DSTN: variants seen among roughly 807,000 people sequenced by gnomAD.
The protein encoded by DSTN is destrin.
Under a neutral mutation model 16.8 loss-of-function variants are expected in DSTN, and 10 were observed. The observed-to-expected ratio is 0.60, with a 90% CI of 0.37 to 1.01. The LOEUF (loss-of-function observed/expected upper bound fraction) is 1.01, where lower values mean the gene tolerates loss of function less well. Among genes scored for constraint, DSTN ranks in the 50% least tolerant of loss-of-function variants. The pLI, the probability that DSTN is intolerant of heterozygous loss-of-function variation, is 0.01. For missense variants in DSTN, 141 were observed against 196.7 expected, an observed-to-expected ratio of 0.72 and a Z score of 1.69; for synonymous variants, 57 against 58.9, an observed-to-expected ratio of 0.97 and a Z score of 0.14.
rs566047826 is a variant in DSTN, at chr20:17,592,063, G to T, written c.4-8675G>T. 38 of 985,324 alleles carry T rather than the reference G, an allele frequency of 3.9e-5. No individual in the cohort carries two copies. In the African/African-American group the frequency reaches 6.6e-4, roughly 17 times the overall value. The allele number at this position is 985,324 out of a possible 1,614,324, so 61.0% of individuals were successfully genotyped here. A position where few individuals can be genotyped will look rare whatever the true frequency, so the allele number is the denominator to read the frequency against. ...TGGGCAGTGTTGGGCCAGGCTTTAG[G>T]GTTAGTATTCCGTGCTTTCTGTCTG... On this transcript the variant is annotated intron_variant, in intron 1 of 3. Coordinates refer to ENST00000246069, the MANE Select transcript of DSTN (RefSeq NM_006870.4).
chr20:17,575,294 G>GA (rs1033338152), intron 1 of DSTN, among the ~76,000 whole-genome samples: 3 of 151,482 alleles, frequency 2.0e-5, no homozygotes, highest in African/African-American at 7.3e-5. Flanking sequence ...TTTGAAATTT[G>GA]AAAAAAAACT....
intron 1 of DSTN, among the ~76,000 whole-genome samples, chr20:17,573,722 T>C (rs2035234580): frequency 6.6e-6 from 1 of 152,146 alleles, no homozygotes; most frequent in African/African-American, 2.4e-5. Context: ...TGTGAAATGG[T>C]TTCTCATTAT....
At chr20:17,595,981 T>A (rs931400395) in intron 1 of DSTN, among the ~76,000 whole-genome samples, 4 of 152,182 alleles carry the variant, frequency 2.6e-5, no homozygotes, top group Admixed American at 6.5e-5. Context: ...CTTTACCTCT[T>A]CAATTCCCCA....
Position 17,600,806 on chromosome 20 carries a change from C to T in DSTN, c.72C>T (p.Ser24=), listed in dbSNP as rs760598804. 1.9e-4 allele frequency: 305 copies of T among 1,613,644 alleles called. 6 individuals are homozygous for T. The South Asian group carries it at 3.3e-3, about 17-fold the overall frequency. Residue 24 remains serine (S), a synonymous_variant, in exon 2 of 4, where the codon TCC becomes TCT. Transcript: ENST00000246069. ...IFYDMKVRKC[S]TPEEIKKRKK... ...ATGACATGAAAGTTCGTAAATGCTC[C>T]ACACCAGAAGAAATCAAGAAAAGAA... is the stretch of plus-strand genomic sequence containing the variant.
chr20:17,584,068 G>A (rs139214227), intron 1 of DSTN, among the ~76,000 whole-genome samples: 95 of 152,164 alleles, frequency 6.2e-4, no homozygotes, highest in African/African-American at 2.2e-3. Flanking sequence ...GTTCAAAATG[G>A]TCTAAGATTA....
At chr20:17,604,746 G>A (rs2035623244) in intron 3 of DSTN, 115 bp downstream of exon 3, 2 of 900,276 alleles carry the variant, frequency 2.2e-6, no homozygotes, top group South Asian at 3.5e-5. Context: ...CAAGGGAGAA[G>A]TGTTACTTGT....
intron 1 of DSTN, chr20:17,596,871 T>C: frequency 1.0e-5 from 9 of 887,896 alleles, no homozygotes; most frequent in Non-Finnish European, 1.2e-5. Context: ...TGATTACTAG[T>C]ACATCATTGA....
At chr20:17,595,242 T>G (rs2035513880) in intron 1 of DSTN, among the ~76,000 whole-genome samples, 2 of 152,164 alleles carry the variant, frequency 1.3e-5, no homozygotes. Flanking sequence ...CTCCCCGTCA[T>G]AGCTGTTCTG....
chr20:17,583,231 A>G (rs1366459915), intron 1 of DSTN, among the ~76,000 whole-genome samples: 1 of 152,364 alleles, frequency 6.6e-6, no homozygotes, highest in South Asian at 2.1e-4. Flanking sequence ...GCACCCATAC[A>G]TTGCTGGTGA....
intron 2 of DSTN, among the ~76,000 whole-genome samples, chr20:17,602,864 A>AGAG (rs1465792829): frequency 2.0e-5 from 3 of 152,092 alleles, no homozygotes; most frequent in Non-Finnish European, 4.4e-5. Flanking sequence ...CCCCATCTCT[A>AGAG]CTAAAATTAA....
intron 1 of DSTN, among the ~76,000 whole-genome samples, chr20:17,600,435 T>C (rs908935013): frequency 2.0e-5 from 3 of 152,282 alleles, no homozygotes; most frequent in South Asian, 4.1e-4. Flanking sequence ...GCAACCTGTA[T>C]AAGAAGAAAA....
At chr20:17,591,883 C>G in intron 1 of DSTN, 1 of 985,100 alleles carries the variant, frequency 1.0e-6, no homozygotes. Flanking sequence ...TAATAAATTG[C>G]AGTTACTTTA....
At chr20:17,592,155 G>GCCACCATGCC in intron 1 of DSTN, 5 of 944,120 alleles carry the variant, frequency 5.3e-6, no homozygotes, top group Non-Finnish European at 6.3e-6. Flanking sequence ...GCCAGGCATG[G>GCCACCATGCC]TGGCTCATGC....
At position 17,574,865 on chromosome 20, in the gene DSTN, C is replaced by CTTTTCTTTTTTTTTTT. The variant is rs1354147534; in HGVS notation, c.3+4658_3+4659insCTTTTTTTTTTTTTTT. The stretch of plus-strand genomic sequence containing the variant: ...CTTTCTTTTCTTTTTCTTTTCTTTT[C>CTTTTCTTTTTTTTTTT]TTTTGTTTTTTTTTTTTTTTTTTTT... On this transcript the variant is annotated intron_variant, in intron 1 of 3. Transcript: ENST00000246069. Among the ~76,000 whole-genome samples the CTTTTCTTTTTTTTTTT allele has an allele frequency of 3.6e-4, 23 of 64,254 alleles. 2 individuals are homozygous for CTTTTCTTTTTTTTTTT. Among genetic ancestry groups the CTTTTCTTTTTTTTTTT allele is most frequent in the African/African-American group, 1.3e-3 (22 of 16,716 alleles). The allele number at this position is 64,254 out of a possible 152,430, so 42.2% of individuals were successfully genotyped here. A position where few individuals can be genotyped will look rare whatever the true frequency, so the allele number is the denominator to read the frequency against.
intron 1 of DSTN, among the ~76,000 whole-genome samples, chr20:17,579,909 A>G (rs1568731157): frequency 1.3e-5 from 2 of 152,314 alleles, no homozygotes; most frequent in African/African-American, 2.4e-5. Context: ...AGCATTAATC[A>G]TATATAGGAT....
chr20:17,572,072 A>G (rs1440259107), intron 1 of DSTN, among the ~76,000 whole-genome samples: 2 of 152,342 alleles, frequency 1.3e-5, no homozygotes, highest in East Asian at 1.9e-4. Flanking sequence ...CCCAGAGTCT[A>G]GCACTTTGCT....
chr20:17,583,011 A>T (rs1251461246), intron 1 of DSTN, among the ~76,000 whole-genome samples: 1 of 152,234 alleles, frequency 6.6e-6, no homozygotes, highest in Non-Finnish European at 1.5e-5. Context: ...ACAACTCAAC[A>T]ATCAAAAACC....
intron 1 of DSTN, chr20:17,576,399 A>C (rs2035278896): frequency 1.2e-5 from 2 of 160,906 alleles, no homozygotes; most frequent in Admixed American, 6.5e-5. Flanking sequence ...AGAGGGATGC[A>C]CATGGAGTGG....
chr20:17,605,085 G>A (rs2035627819), intron 3 of DSTN: 2 of 456,476 alleles, frequency 4.4e-6, no homozygotes, highest in Non-Finnish European at 8.8e-6. Flanking sequence ...ATGATTTTAG[G>A]TAATTAATTC....
Sources: gnomAD v4.1 joint callset for allele counts (sites outside exome capture counted in the v4.1 genomes callset) on GRCh38, gnomAD v4.1.1 for gene constraint, MANE v1.5 for transcripts, NCBI Gene and HGNC (gene_info 2026-07-23, HGNC 2026-07-21) for gene names.